Variants in AKAP3 observed in about 807,000 individuals in gnomAD.
AKAP3 encodes the protein A-kinase anchoring protein 3, also known as A-kinase anchor protein 3.
A neutral mutation model predicts 57.2 loss-of-function variants in AKAP3; 27 were observed. The observed-to-expected ratio is 0.47, with a 90% confidence interval of 0.35 to 0.65. The LOEUF is 0.65. AKAP3 is among the 30% of genes least tolerant of loss of function. The pLI is 0.01. For synonymous variants in AKAP3, 334 were observed against 392.3 expected (o/e 0.85, Z 1.76); for missense variants, 959 against 1,040.0 (o/e 0.92, Z 1.07).
intron 4 of AKAP3, among the ~76,000 whole-genome samples, chr12:4,634,010 A>T (rs571987795): frequency 2.0e-5 from 3 of 150,394 alleles, no homozygotes; most frequent in African/African-American, 7.4e-5. Context: ...CTTTATTCAA[A>T]CCTGAGCACC....
At position 4,628,004 on chromosome 12, in the gene AKAP3, T is replaced by C. The variant is rs753313428; in HGVS notation, c.898A>G (p.Ile300Val). The part of the protein sequence containing the change: ...NSVVSDMMVS[I>V]MKTLKIQVKD... The stretch of plus-strand genomic sequence containing the variant: ...ACTTGGATCTTCAGTGTCTTCATGA[T>C]GGAGACCATCATATCAGATACCACA... The change falls in exon 5 of 6, where the codon ATC (isoleucine) becomes GTC (valine). Residue 300 changes from isoleucine (I) to valine (V), a missense_variant. By Grantham distance (29) the Ile-to-Val change is conservative. Transcript: ENST00000228850. 78 of 1,613,964 alleles carry C rather than the reference T, an allele frequency of 4.8e-5. No individual in the cohort carries two copies. Among genetic ancestry groups the C allele is most frequent in the Middle Eastern group, 1.6e-4 (1 of 6,084 alleles).
At chr12:4,638,840 G>A (rs771383494) in intron 3 of AKAP3, among the ~76,000 whole-genome samples, 1 of 152,146 alleles carries the variant, frequency 6.6e-6, no homozygotes, top group Non-Finnish European at 1.5e-5. Context: ...GTCTATGGAC[G>A]CAGTGATTTC....
chr12:4,647,858 G>C (rs1330567151), intron 1 of AKAP3: 3 of 118,092 alleles, frequency 2.5e-5, no homozygotes, highest in Non-Finnish European at 4.1e-5. Flanking sequence ...TAAACAGTAG[G>C]GGCAAGATAG....
chr12:4,642,668 A>G (rs1232079799), intron 2 of AKAP3, among the ~76,000 whole-genome samples: 2 of 152,154 alleles, frequency 1.3e-5, no homozygotes, highest in Non-Finnish European at 1.5e-5. Flanking sequence ...CCCTCATTGA[A>G]GTTTCCATCA....
chr12:4,619,688 CAT>C (rs1156991563), intron 5 of AKAP3, among the ~76,000 whole-genome samples: 3 of 152,164 alleles, frequency 2.0e-5, no homozygotes, highest in Admixed American at 6.5e-5. Context: ...GAAATGAAAA[CAT>C]ATAACCACAC....
At position 4,628,812 on chromosome 12, in the gene AKAP3, A is replaced by AATAG. The variant is rs1264677715; in HGVS notation, c.97-11_97-8dup. 1 of 1,594,262 alleles carries AATAG rather than the reference A, an allele frequency of 6.3e-7. No homozygotes were observed. Among genetic ancestry groups the AATAG allele is most frequent in the East Asian group, 2.3e-5 (1 of 44,396 alleles). ...CAGGATCCGTGGAGGTGTCCTTAAA[A>AATAG]ATAGACAAGGATTCATCTGACTATA... On this transcript the variant is annotated splice_region_variant and splice_polypyrimidine_tract_variant and intron_variant, in intron 4 of 5. Coordinates refer to ENST00000228850, the MANE Select transcript of AKAP3 (RefSeq NM_001278309.2).
In AKAP3 at chr12:4,627,198, G is replaced by A. The variant is rs750998445; in HGVS notation, c.1704C>T (p.Pro568=). 20 of 1,613,884 alleles carry A rather than the reference G, an allele frequency of 1.2e-5. No homozygotes were observed. Among genetic ancestry groups the A allele is most frequent in the Middle Eastern group, 1.6e-4 (1 of 6,084 alleles). ...GAGCAGACTTAAGGCAAGATTCATC[G>A]GGAGCTACAGGAGGTTCATTGGCAG... The part of the protein sequence containing the change: ...NFPANEPPVA[P]DESCLKSAPI... Residue 568 remains proline (P), a synonymous_variant, in exon 5 of 6, where the codon CCC becomes CCT. Coordinates refer to ENST00000228850, the MANE Select transcript of AKAP3 (RefSeq NM_001278309.2).
chr12:4,639,575 C>T (rs1184864670), intron 3 of AKAP3, among the ~76,000 whole-genome samples: 1 of 151,078 alleles, frequency 6.6e-6, no homozygotes, highest in Non-Finnish European at 1.5e-5. Flanking sequence ...GTCCCTCCCC[C>T]ATCCCCCCAC....
intron 5 of AKAP3, among the ~76,000 whole-genome samples, chr12:4,622,973 G>T (rs1384941229): frequency 6.6e-6 from 1 of 152,142 alleles, no homozygotes; most frequent in Non-Finnish European, 1.5e-5. Flanking sequence ...GACACAAACA[G>T]ACTCTTTGCA....
chr12:4,635,468 G>A (rs2137442266), intron 4 of AKAP3: 2 of 682,580 alleles, frequency 2.9e-6, no homozygotes, highest in Non-Finnish European at 5.2e-6. Context: ...CTATTGCCAC[G>A]AACATTTCAT....
At position 4,626,643 on chromosome 12, in the gene AKAP3, T is replaced by A. The variant is rs373282059; in HGVS notation, c.2259A>T (p.Ala753=). 5.3e-5 allele frequency: 86 copies of A among 1,614,124 alleles called. No individual in the cohort carries two copies. The highest frequency in any genetic ancestry group is 6.9e-5 in the Non-Finnish European group (82 of 1,180,044). ...GTSGQPPEGC[A]APTVIVSNHN... ...GATTGCTGACAATCACCGTGGGTGC[T>A]GCACACCCTTCAGGGGGCTGTCCTG... The change falls in exon 5 of 6, where the codon GCA becomes GCT. Residue 753 remains alanine (A), a synonymous_variant. Transcript: ENST00000228850.
At position 4,644,504 on chromosome 12, in the gene AKAP3, C is replaced by G. The variant is rs1165208502; in HGVS notation, c.-107+551G>C. Among the ~76,000 whole-genome samples the G allele has an allele frequency of 2.0e-5, 3 of 152,210 alleles. No individual in the cohort carries two copies. In the East Asian group the frequency reaches 5.8e-4, roughly 29 times the overall value. ...TCTCCAAAAGGATAGCTGAGGAGAT[C>G]TTGTCAAATCTGTAACCAAATCACA... On this transcript the variant is annotated intron_variant, in intron 2 of 5. Coordinates refer to ENST00000228850, the MANE Select transcript of AKAP3 (RefSeq NM_001278309.2).
chr12:4,638,029 A>C (rs1321895014), intron 4 of AKAP3, 72 bp downstream of exon 4: 1 of 1,253,636 alleles, frequency 8.0e-7, no homozygotes, highest in African/African-American at 1.5e-5. Context: ...GGTATGGTGG[A>C]GAGAATAAGG....
rs1945406024 is a variant in AKAP3 at position 4,625,853 on chromosome 12, G to C, written c.2406+643C>G. On this transcript the variant is annotated intron_variant, in intron 5 of 5. Transcript: ENST00000228850. The surrounding 1 kb of genome is among the most constrained non-coding windows in gnomAD (Gnocchi z 5.4). ...ACTCAAACCCTCCCTTTGGCGCGCA[G>C]TTCTGATGCTTACTGGGCACCTTGG... 6.6e-6 allele frequency among the ~76,000 whole-genome samples: 1 copy of C among 152,144 alleles called. No homozygotes were observed. Among genetic ancestry groups the C allele is most frequent in the South Asian group, 2.1e-4 (1 of 4,820 alleles).
rs776495333 is a variant in AKAP3 at position 4,628,209 on chromosome 12, A to C, written c.693T>G (p.Asp231Glu). The C allele has an allele frequency of 4.3e-6, 7 of 1,614,014 alleles. No homozygotes were observed. The highest frequency in any genetic ancestry group is 5.1e-6 in the Non-Finnish European group (6 of 1,180,006). Residue 231 changes from aspartate to glutamate, a missense_variant, in exon 5 of 6, where the codon GAT becomes GAG. Asp to Glu is a conservative substitution (Grantham distance 45). Coordinates refer to ENST00000228850, the MANE Select transcript of AKAP3 (RefSeq NM_001278309.2). ...AAGACTTCTTAGAAGGAGGCTTGTC[A>C]TCTGGACCCTGTCTTTCTTTGGTGC... ...KESTKERQGP[D>E]DKPPSKKSFF...
At chr12:4,621,527 C>G (rs970639870) in intron 5 of AKAP3, among the ~76,000 whole-genome samples, 6 of 152,130 alleles carry the variant, frequency 3.9e-5, no homozygotes, top group South Asian at 2.1e-4. Context: ...ATGTTTAGAT[C>G]CACACATACT....
At position 4,632,876 on chromosome 12, in the gene AKAP3, G is replaced by A. The variant is rs534324274; in HGVS notation, c.97-4071C>T. ...AGGATGGTCTCGATCTCCTGACCTC[G>A]TGATCCGCCTGCCTCGGCCTCCCAA... is the stretch of plus-strand genomic sequence containing the variant. On this transcript the variant is annotated intron_variant, in intron 4 of 5. Coordinates refer to ENST00000228850, the MANE Select transcript of AKAP3 (RefSeq NM_001278309.2). Among the ~76,000 whole-genome samples, 742 of 152,196 alleles carry A rather than the reference G, an allele frequency of 4.9e-3. 1 individual carries two copies. Among genetic ancestry groups the A allele is most frequent in the Non-Finnish European group, 8.1e-3 (552 of 67,990 alleles).
intron 5 of AKAP3, 26 bp downstream of exon 5, chr12:4,626,470 C>T: frequency 6.3e-7 from 1 of 1,597,632 alleles, no homozygotes; most frequent in Non-Finnish European, 8.5e-7. Context: ...ATAAAGCTTC[C>T]AAATTCCTCT....
chr12:4,615,657 G>T lies in AKAP3; in HGVS notation c.*82C>A. On this transcript the variant is annotated 3_prime_UTR_variant, in exon 6 of 6. Transcript: ENST00000228850. ...TTAGGGCTCTGTGAGGATATAGAGG[G>T]GGAGATGTGGAAGTGAGAAAGAAGG... The T allele has an allele frequency of 1.3e-6, 2 of 1,496,440 alleles. No homozygotes were observed. Among genetic ancestry groups the T allele is most frequent in the Non-Finnish European group, 9.1e-7 (1 of 1,096,464 alleles). The allele number at this position is 1,496,440 out of a possible 1,614,324, so 92.7% of individuals were successfully genotyped here.
Sources: gnomAD v4.1 joint callset for allele counts (sites outside exome capture counted in the v4.1 genomes callset) on GRCh38, gnomAD v4.1.1 for gene constraint, Gnocchi (gnomAD v3.1) non-coding constraint, MANE v1.5 for transcripts, NCBI Gene and HGNC (gene_info 2026-07-23, HGNC 2026-07-21) for gene names.